Variants in GULP1 observed in about 807,000 individuals in gnomAD.
The protein encoded by GULP1 is PTB domain-containing engulfment adapter protein 1.
In GULP1, 19 loss-of-function variants were observed where a neutral mutation model predicts 40.9. The ratio of observed to expected loss-of-function variants is 0.46; its 90% confidence interval spans 0.32 to 0.68. GULP1 has a LOEUF of 0.68. Ranked by LOEUF, GULP1 falls within the 30% of genes least tolerant of loss-of-function variation. The probability of loss-of-function intolerance (pLI) is 0.03; values close to 1 mark genes in which losing one functional copy is unlikely to be tolerated. For synonymous variants in GULP1, 119 were observed against 117.6 expected, an observed-to-expected ratio of 1.01 and a Z score of -0.08; for missense variants, 312 against 362.2, an observed-to-expected ratio of 0.86 and a Z score of 1.12.
intron 2 of GULP1, among the ~76,000 whole-genome samples, chr2:188,421,789 C>T (rs1161701706): frequency 6.6e-6 from 1 of 152,048 alleles, no homozygotes; most frequent in Non-Finnish European, 1.5e-5. Flanking sequence ...GGCAGAGGGA[C>T]AAGTAATGCT....
rs527329510 is a variant in GULP1 at position 188,473,131 on chromosome 2, C to T, written c.-44-4528C>T. 2.0e-5 allele frequency among the ~76,000 whole-genome samples: 3 copies of T among 151,804 alleles called. No homozygotes were observed. The South Asian group carries it at 6.2e-4, about 31-fold the overall frequency. ...CCTCTTCTCTTCTTCTTTTCTTTTT[C>T]TTTCAAACAAATGGGGTCTCTCTTT... On this transcript the variant is annotated intron_variant, in intron 2 of 11. Transcript: ENST00000409830.
chr2:188,398,710 C>G (rs2051650029), intron 2 of GULP1, among the ~76,000 whole-genome samples: 1 of 152,044 alleles, frequency 6.6e-6, no homozygotes, highest in African/African-American at 2.4e-5. Context: ...TGATGTATCA[C>G]TTATTACACT....
At chr2:188,437,853 A>G (rs1326045928) in intron 2 of GULP1, among the ~76,000 whole-genome samples, 1 of 152,130 alleles carries the variant, frequency 6.6e-6, no homozygotes, top group Non-Finnish European at 1.5e-5. Context: ...ATTCTCACTT[A>G]TAAGTAGAAG....
chr2:188,379,238 TTA>T (rs1461951939), intron 1 of GULP1, among the ~76,000 whole-genome samples: 1 of 152,200 alleles, frequency 6.6e-6, no homozygotes, highest in African/African-American at 2.4e-5. Flanking sequence ...TTTAAAATTC[TTA>T]TGTGTTCTGA....
intron 1 of GULP1, among the ~76,000 whole-genome samples, chr2:188,360,640 G>A (rs1429703752): frequency 1.3e-5 from 2 of 152,072 alleles, no homozygotes; most frequent in East Asian, 1.9e-4. Flanking sequence ...TGTGCACAAT[G>A]TCTGATCCCT....
chr2:188,408,988 A>G (rs960307014), intron 2 of GULP1, among the ~76,000 whole-genome samples: 2 of 152,208 alleles, frequency 1.3e-5, no homozygotes, highest in South Asian at 2.1e-4. Flanking sequence ...GATTGTAGCA[A>G]AACAGTTCTA....
At chr2:188,475,176 T>C (rs2153026933) in intron 2 of GULP1, among the ~76,000 whole-genome samples, 1 of 152,210 alleles carries the variant, frequency 6.6e-6, no homozygotes, top group African/African-American at 2.4e-5. Context: ...AAGTGTAGAG[T>C]GCACATTGCA....
At chr2:188,522,926 TAG>T (rs1685214417) in intron 5 of GULP1, 99 bp downstream of exon 5, 1 of 726,824 alleles carries the variant, frequency 1.4e-6, no homozygotes, top group Non-Finnish European at 2.5e-6. Context: ...GCTGCAGGTA[TAG>T]CTTCACCCTA....
At chr2:188,458,887 C>T (rs894830704) in intron 2 of GULP1, among the ~76,000 whole-genome samples, 17 of 152,198 alleles carry the variant, frequency 1.1e-4, no homozygotes, top group African/African-American at 3.9e-4. Flanking sequence ...CTACTCTCTA[C>T]CTCCATAGGT....
At chr2:188,410,190 A>T (rs1249137474) in intron 2 of GULP1, among the ~76,000 whole-genome samples, 2 of 151,296 alleles carry the variant, frequency 1.3e-5, no homozygotes, top group African/African-American at 2.4e-5. Context: ...ATACAAAAAT[A>T]AAAAAAAACT....
intron 2 of GULP1, among the ~76,000 whole-genome samples, chr2:188,457,130 T>A (rs1017969429): frequency 6.6e-6 from 1 of 152,208 alleles, no homozygotes; most frequent in African/African-American, 2.4e-5. Flanking sequence ...ACTTGCCTTA[T>A]CTCAGATGCG....
At chr2:188,471,864 T>A (rs887122092) in intron 2 of GULP1, among the ~76,000 whole-genome samples, 2 of 152,142 alleles carry the variant, frequency 1.3e-5, no homozygotes, top group African/African-American at 4.8e-5. Context: ...TACCTGTGAG[T>A]TTTGTATCTT....
At chr2:188,352,614 T>TCACACACACACACACACA (rs1326667036) in intron 1 of GULP1, among the ~76,000 whole-genome samples, 102 of 60,394 alleles carry the variant, frequency 1.7e-3, no homozygotes, top group African/African-American at 8.4e-3. Flanking sequence ...TCTCTCTCTC[T>TCACACACACACACACACA]CTCTCACACA....
intron 7 of GULP1, among the ~76,000 whole-genome samples, chr2:188,567,867 T>C (rs1698131996): frequency 6.6e-6 from 1 of 152,262 alleles, no homozygotes; most frequent in African/African-American, 2.4e-5. Flanking sequence ...TTATTCATAA[T>C]CCCACAATCT....
In GULP1 at chr2:188,489,348, A is replaced by C. The variant is rs151329786; in HGVS notation, c.90+5856A>C. On this transcript the variant is annotated intron_variant, in intron 4 of 11. Transcript: ENST00000409830. ...AGCACTTGCCAGTTTTGCTGGTTGT[A>C]GAAACCAGGGGAAATATAAGAAACG... Among the ~76,000 whole-genome samples the C allele has an allele frequency of 4.4e-3, 663 of 152,154 alleles. 8 individuals are homozygous for C. The highest frequency in any genetic ancestry group is 0.015 in the African/African-American group (638 of 41,568).
At chr2:188,442,956 A>G (rs2058061714) in intron 2 of GULP1, among the ~76,000 whole-genome samples, 1 of 152,194 alleles carries the variant, frequency 6.6e-6, no homozygotes, top group Non-Finnish European at 1.5e-5. Context: ...AGGAAACAAA[A>G]TATACAGGTG....
At chr2:188,593,571 CCTAA>C (rs1195916314) in intron 11 of GULP1, 1 of 153,668 alleles carries the variant, frequency 6.5e-6, no homozygotes, top group African/African-American at 2.4e-5. Flanking sequence ...CAATTTGAAG[CCTAA>C]CTATCTTAAT....
At chr2:188,496,992 T>C (rs781155601) in intron 4 of GULP1, among the ~76,000 whole-genome samples, 1 of 152,036 alleles carries the variant, frequency 6.6e-6, no homozygotes, top group Non-Finnish European at 1.5e-5. Flanking sequence ...CCAGCCATGC[T>C]TCCTGTACAG....
intron 4 of GULP1, among the ~76,000 whole-genome samples, chr2:188,505,846 CA>C (rs1429983757): frequency 6.6e-6 from 1 of 151,774 alleles, no homozygotes; most frequent in Non-Finnish European, 1.5e-5. Flanking sequence ...CATCATTTAA[CA>C]AGACAAGTTT....
Sources: allele counts gnomAD v4.1 joint callset (sites outside exome capture counted in the v4.1 genomes callset), GRCh38; gene constraint gnomAD v4.1.1; transcripts MANE v1.5; gene names NCBI Gene and HGNC (gene_info 2026-07-23, HGNC 2026-07-21).